EPB41L4A: variants seen among roughly 807,000 people sequenced by gnomAD.
The protein encoded by EPB41L4A is band 4.1-like protein 4A.
In EPB41L4A, 100 loss-of-function variants were observed where a neutral mutation model predicts 108.6. That is an observed-to-expected ratio of 0.92 (90% CI 0.78 to 1.09). EPB41L4A has a LOEUF of 1.09. Among genes scored for constraint, EPB41L4A ranks in the 50% least tolerant of loss-of-function variants. The pLI is 0.00. For synonymous variants in EPB41L4A, 319 were observed against 289.0 expected, an observed-to-expected ratio of 1.10 and a Z score of -1.05; for missense variants, 1,030 against 842.7, an observed-to-expected ratio of 1.22 and a Z score of -2.75.
intron 1 of EPB41L4A, among the ~76,000 whole-genome samples, chr5:112,344,805 T>G (rs1461380440): frequency 2.0e-5 from 3 of 152,186 alleles, no homozygotes; most frequent in Non-Finnish European, 4.4e-5. Flanking sequence ...GGACTTACAA[T>G]GAAACTGAAT....
chr5:112,240,793 G>T lies in EPB41L4A; in HGVS notation c.813C>A (p.Phe271Leu), dbSNP rs771551149. 1.3e-6 allele frequency: 2 copies of T among 1,592,412 alleles called. No individual in the cohort carries two copies. Among genetic ancestry groups the T allele is most frequent in the Admixed American group, 3.7e-5 (2 of 53,884 alleles). The change falls in exon 10 of 23, where the codon TTC becomes TTA. Residue 271 changes from phenylalanine (F) to leucine (L), a missense_variant. By Grantham distance (22) the Phe-to-Leu change is conservative. Coordinates refer to ENST00000261486, the MANE Select transcript of EPB41L4A (RefSeq NM_022140.5). ...VLGKDCNETS[F>L]FFEARSKTAC... is the part of the protein sequence containing the mutation. ...CAGTTTTACTCCGAGCTTCAAAAAA[G>T]AATGAGGTTTCGTTACACTAAGAGA...
At chr5:112,171,183 G>A (rs1007432458) in intron 18 of EPB41L4A, among the ~76,000 whole-genome samples, 191 bp from the exon 19 acceptor site, 1 of 152,128 alleles carries the variant, frequency 6.6e-6, no homozygotes, top group Non-Finnish European at 1.5e-5. Flanking sequence ...TGCTACTGCC[G>A]CTGAAGGAAA....
At chr5:112,251,823 C>A (rs760290476) in intron 9 of EPB41L4A, among the ~76,000 whole-genome samples, 2 of 152,008 alleles carry the variant, frequency 1.3e-5, no homozygotes, top group East Asian at 3.9e-4. Flanking sequence ...AGATTTCAAA[C>A]GAATACATGA....
intron 1 of EPB41L4A, among the ~76,000 whole-genome samples, chr5:112,344,341 TAC>T (rs1223812703): frequency 1.3e-5 from 2 of 152,148 alleles, no homozygotes; most frequent in Non-Finnish European, 2.9e-5. Context: ...GGGCTAGAAA[TAC>T]ACACTTACTA....
At chr5:112,261,006 AT>A in intron 7 of EPB41L4A, among the ~76,000 whole-genome samples, 1 of 152,214 alleles carries the variant, frequency 6.6e-6, no homozygotes, top group East Asian at 1.9e-4. Context: ...ATGTAGAAGC[AT>A]TTTGCAGAAG....
At chr5:112,186,116 C>A (rs939579185) in intron 17 of EPB41L4A, among the ~76,000 whole-genome samples, 15 of 152,178 alleles carry the variant, frequency 9.9e-5, no homozygotes, top group African/African-American at 3.4e-4. Flanking sequence ...ACCCTGGAGT[C>A]TTTTAGGATG....
chr5:112,265,623 T>G (rs1164500200), intron 5 of EPB41L4A, among the ~76,000 whole-genome samples: 1 of 152,266 alleles, frequency 6.6e-6, no homozygotes, highest in African/African-American at 2.4e-5. Flanking sequence ...TAGATTATTT[T>G]TAGTCTGCAA....
chr5:112,293,959 A>T (rs970784122), intron 2 of EPB41L4A, among the ~76,000 whole-genome samples: 3 of 152,212 alleles, frequency 2.0e-5, no homozygotes, highest in Non-Finnish European at 4.4e-5. Flanking sequence ...TATTATAAAC[A>T]ATTTTTTAAA....
intron 18 of EPB41L4A, among the ~76,000 whole-genome samples, chr5:112,182,365 C>T (rs554118309): frequency 6.6e-6 from 1 of 152,098 alleles, no homozygotes; most frequent in African/African-American, 2.4e-5. Context: ...CATAATATAA[C>T]TGAATTATAG....
chr5:112,419,923 G>C (rs183494093), upstream of EPB41L4A: 15 of 456,386 alleles, frequency 3.3e-5, no homozygotes, highest in African/African-American at 6.0e-5. Context: ...GCAAAGCGGG[G>C]AGGCGGGGAC....
chr5:112,359,293 A>T (rs537287368), intron 1 of EPB41L4A, among the ~76,000 whole-genome samples: 7 of 152,334 alleles, frequency 4.6e-5, no homozygotes, highest in African/African-American at 1.7e-4. Flanking sequence ...GATCCAACAA[A>T]GGTAAAGAAC....
At chr5:112,297,482 G>A (rs1251262392) in intron 2 of EPB41L4A, among the ~76,000 whole-genome samples, 2 of 151,714 alleles carry the variant, frequency 1.3e-5, no homozygotes, top group Non-Finnish European at 2.9e-5. Flanking sequence ...CTTTTTGATG[G>A]GATTGCTTCT....
chr5:112,338,318 T>G (rs1487363127), intron 1 of EPB41L4A, among the ~76,000 whole-genome samples: 1 of 152,102 alleles, frequency 6.6e-6, no homozygotes, highest in Non-Finnish European at 1.5e-5. Flanking sequence ...GAAGCTACTT[T>G]CTTTGTGGGG....
intron 2 of EPB41L4A, among the ~76,000 whole-genome samples, chr5:112,285,366 G>C (rs1753220390): frequency 6.6e-6 from 1 of 152,114 alleles, no homozygotes; most frequent in African/African-American, 2.4e-5. Context: ...TCACTCCTGG[G>C]GAGTTCTAGG....
At chr5:112,222,106 A>G (rs956872588) in intron 12 of EPB41L4A, among the ~76,000 whole-genome samples, 1 of 152,132 alleles carries the variant, frequency 6.6e-6, no homozygotes, top group Non-Finnish European at 1.5e-5. Flanking sequence ...GAACTTACAC[A>G]TTTTCTTCTA....
In EPB41L4A at chr5:112,164,844, AAAAAG is replaced by A. The variant is rs1163733415; in HGVS notation, c.*141_*145del. ...GTGATAACATCTCAAAAAAAAAAAA[AAAAAG>A]AAGCAAAAGATAATGTATTTTCTCA... On this transcript the variant is annotated 3_prime_UTR_variant, in exon 23 of 23. Transcript: ENST00000261486. 5.1e-6 allele frequency: 5 copies of A among 973,016 alleles called. No individual in the cohort carries two copies. Among genetic ancestry groups the A allele is most frequent in the African/African-American group, 3.4e-5 (2 of 58,976 alleles). The allele number at this position is 973,016 out of a possible 1,614,324, so 60.3% of individuals were successfully genotyped here. A position where few individuals can be genotyped will look rare whatever the true frequency, so the allele number is the denominator to read the frequency against.
At chr5:112,293,595 C>T (rs1486619052) in intron 2 of EPB41L4A, among the ~76,000 whole-genome samples, 1 of 152,116 alleles carries the variant, frequency 6.6e-6, no homozygotes, top group Non-Finnish European at 1.5e-5. Context: ...GGAGGTGATC[C>T]TACACAAACC....
At position 112,234,720 on chromosome 5, in the gene EPB41L4A, G is replaced by C; in HGVS notation, c.1001C>G (p.Ser334Cys). The C allele has an allele frequency of 6.2e-7, 1 of 1,612,902 alleles. No homozygotes were observed. Among genetic ancestry groups the C allele is most frequent in the South Asian group, 1.1e-5 (1 of 90,936 alleles). ...CTGATCAGGCCGGGGAAGCTGAATA[G>C]AAAGATCTCGGCTCATTTGCAAAGC... ...RTALQMSRDL[S>C]IQLPRPDQNV... The change falls in exon 12 of 23, where the codon TCT becomes TGT. Residue 334 changes from serine to cysteine, a missense_variant. By Grantham distance (112) the Ser-to-Cys change is moderately radical. Coordinates refer to ENST00000261486, the MANE Select transcript of EPB41L4A (RefSeq NM_022140.5).
intron 2 of EPB41L4A, among the ~76,000 whole-genome samples, chr5:112,291,942 C>T (rs1158908596): frequency 6.6e-6 from 1 of 152,202 alleles, no homozygotes; most frequent in Non-Finnish European, 1.5e-5. Context: ...GCCAGTTGGT[C>T]AGAAGTTCCA....
Sources: gnomAD v4.1 joint callset for allele counts (sites outside exome capture counted in the v4.1 genomes callset) on GRCh38, gnomAD v4.1.1 for gene constraint, MANE v1.5 for transcripts, NCBI Gene and HGNC (gene_info 2026-07-23, HGNC 2026-07-21) for gene names.